The following NDUFA9 variants were observed in gnomAD, a reference collection of about 807,000 sequenced individuals.
NDUFA9 encodes the protein NADH dehydrogenase [ubiquinone] 1 alpha subcomplex subunit 9, mitochondrial.
NDUFA9 carries 23 observed loss-of-function variants against 45.9 expected under a neutral mutation model. The observed-to-expected ratio is 0.50, with a 90% CI of 0.36 to 0.71. NDUFA9 has a LOEUF of 0.71. NDUFA9 is among the 30% of genes least tolerant of loss of function. NDUFA9 has a pLI of 0.00. For missense variants in NDUFA9, 466 were observed against 488.2 expected (o/e 0.95, Z 0.43); for synonymous variants, 176 against 170.5 (o/e 1.03, Z -0.25).
In NDUFA9 at chr12:4,689,703, T is replaced by C. The variant is rs1946008463; in HGVS notation, c.*2595T>C. ...GAAGTCTCCCATGTCTACTTCTTTC[T>C]ACACAGACACAGCAACAATGTGATT... is the stretch of plus-strand genomic sequence containing the variant. On this transcript the variant is annotated 3_prime_UTR_variant, in exon 11 of 11. Coordinates refer to ENST00000266544, the MANE Select transcript of NDUFA9 (RefSeq NM_005002.5). 1.7e-5 allele frequency: 3 copies of C among 179,258 alleles called. No homozygotes were observed. Among genetic ancestry groups the C allele is most frequent in the Non-Finnish European group, 3.4e-5 (3 of 88,152 alleles). 11.1% of individuals were successfully genotyped at this position (179,258 alleles called of 1,614,324 possible).
At chr12:4,656,195 A>T (rs147195132) in intron 3 of NDUFA9, among the ~76,000 whole-genome samples, 15 of 152,354 alleles carry the variant, frequency 9.8e-5, no homozygotes, top group Admixed American at 8.5e-4. Flanking sequence ...CAAGCTAAGT[A>T]TAATACTTGT....
chr12:4,657,884 G>A, intron 4 of NDUFA9, 45 bp downstream of exon 4: 1 of 1,444,050 alleles, frequency 6.9e-7, no homozygotes, highest in Non-Finnish European at 9.7e-7. Flanking sequence ...GTCTTTCTTA[G>A]GGTTTAATGG....
At chr12:4,664,370 C>T (rs1466396191) in intron 6 of NDUFA9, among the ~76,000 whole-genome samples, 1 of 152,236 alleles carries the variant, frequency 6.6e-6, no homozygotes, top group Non-Finnish European at 1.5e-5. Context: ...TGAAAGAAGC[C>T]TGTCTGACTT....
At chr12:4,675,227 A>C (rs1467279523) in intron 8 of NDUFA9, among the ~76,000 whole-genome samples, 1 of 152,258 alleles carries the variant, frequency 6.6e-6, no homozygotes, top group African/African-American at 2.4e-5. Context: ...ATGATCTAAA[A>C]TTGACACTCT....
chr12:4,662,083 A>G (rs1945826405), intron 5 of NDUFA9, among the ~76,000 whole-genome samples: 1 of 152,214 alleles, frequency 6.6e-6, no homozygotes, highest in Non-Finnish European at 1.5e-5. Flanking sequence ...TGGTACAGCA[A>G]TTGAGATTAG....
At chr12:4,660,511 A>G (rs1945817249) in intron 5 of NDUFA9, among the ~76,000 whole-genome samples, 1 of 152,132 alleles carries the variant, frequency 6.6e-6, no homozygotes, top group Admixed American at 6.6e-5. Context: ...TTTGTTGTTA[A>G]TTTAAGTGAT....
chr12:4,686,900 G>C (rs1378768305), intron 10 of NDUFA9, 38 bp from the exon 11 acceptor site: 1 of 1,598,460 alleles, frequency 6.3e-7, no homozygotes. Context: ...TTCTCAGCCA[G>C]TTTTCAGCAT....
rs149885517 is a variant in NDUFA9 at position 4,674,637 on chromosome 12, G to A, written c.800+4820G>A. Among the ~76,000 whole-genome samples the A allele has an allele frequency of 1.4e-4, 21 of 152,300 alleles. No homozygotes were observed. The East Asian group carries it at 4.0e-3, about 29-fold the overall frequency. ...AGAGCTAACTATCCTGAATATATAT[G>A]CTCCCAATACAGGAGCACCCAGATT... On this transcript the variant is annotated intron_variant, in intron 8 of 10. Transcript: ENST00000266544.
chr12:4,687,187 T>C lies in NDUFA9; in HGVS notation c.*79T>C. The C allele has an allele frequency of 7.3e-7, 1 of 1,378,278 alleles. No individual in the cohort carries two copies. The highest frequency in any genetic ancestry group is 1.0e-6 in the Non-Finnish European group (1 of 1,004,644). The allele number at this position is 1,378,278 out of a possible 1,614,324, so 85.4% of individuals were successfully genotyped here. A position where few individuals can be genotyped will look rare whatever the true frequency, so the allele number is the denominator to read the frequency against. ...TGAGCACCCAGCCAGGCGGTCTCTT[T>C]AGAGGATCCTGTACACAGTTCCACT... On this transcript the variant is annotated 3_prime_UTR_variant, in exon 11 of 11. Transcript: ENST00000266544.
intron 5 of NDUFA9, among the ~76,000 whole-genome samples, chr12:4,660,368 G>A (rs1454660569): frequency 6.6e-6 from 1 of 152,194 alleles, no homozygotes; most frequent in African/African-American, 2.4e-5. Context: ...GAAGATGATT[G>A]AGTTTTGGAC....
chr12:4,664,619 C>G (rs184878396), intron 6 of NDUFA9, among the ~76,000 whole-genome samples: 1 of 152,142 alleles, frequency 6.6e-6, no homozygotes, highest in Non-Finnish European at 1.5e-5. Context: ...GCTACAGCCC[C>G]CTGGAACCTT....
At chr12:4,677,238 T>C (rs1945925378) in intron 8 of NDUFA9, among the ~76,000 whole-genome samples, 1 of 152,212 alleles carries the variant, frequency 6.6e-6, no homozygotes, top group African/African-American at 2.4e-5. Flanking sequence ...GACATAGGCA[T>C]GGGCAAAGAC....
chr12:4,654,407 G>A lies in NDUFA9; in HGVS notation c.165G>A (p.Val55=). 6.2e-6 allele frequency: 10 copies of A among 1,614,120 alleles called. No individual in the cohort carries two copies. Among genetic ancestry groups the A allele is most frequent in the Non-Finnish European group, 8.5e-6 (10 of 1,180,014 alleles). Residue 55 remains valine, a synonymous_variant, in exon 2 of 11, where the codon GTG becomes GTA. Transcript: ENST00000266544. The part of the protein sequence containing the change: ...KGGRSSVSGI[V]ATVFGATGFL... ...GACGTTCCTCAGTCAGTGGGATTGT[G>A]GCCACTGTGTTTGGAGCAACAGGAT...
chr12:4,662,770 G>A, intron 6 of NDUFA9, 135 bp downstream of exon 6: 1 of 606,972 alleles, frequency 1.6e-6, no homozygotes, highest in South Asian at 2.1e-5. Flanking sequence ...CCTCCCCTAA[G>A]TTTATATTTT....
In NDUFA9 at chr12:4,687,013, C is replaced by T. The variant is rs199701303; in HGVS notation, c.1039C>T (p.Leu347Phe). ...DLGIQATPLELKAIEVLRRHR... is the reference protein window; with the variant it reads ...DLGIQATPLEFKAIEVLRRHR... ...TGGTATTCAGGCAACACCACTGGAA[C>T]TCAAGGCCATTGAGGTGCTGCGGCG... is the stretch of plus-strand genomic sequence containing the variant. Residue 347 changes from leucine to phenylalanine, a missense_variant, in exon 11 of 11, where the codon CTC becomes TTC. Physicochemically the swap from Leu to Phe is conservative, Grantham distance 22 (BLOSUM62 0). Coordinates refer to ENST00000266544, the MANE Select transcript of NDUFA9 (RefSeq NM_005002.5). The T allele has an allele frequency of 7.4e-6, 12 of 1,614,090 alleles. No individual in the cohort carries two copies. Among genetic ancestry groups the T allele is most frequent in the African/African-American group, 4.0e-5 (3 of 74,936 alleles).
At chr12:4,669,486 C>T (rs962780332) in intron 7 of NDUFA9, among the ~76,000 whole-genome samples, 3 of 152,168 alleles carry the variant, frequency 2.0e-5, no homozygotes, top group South Asian at 2.1e-4. Flanking sequence ...TTGGATTATG[C>T]GTACTTGGAA....
chr12:4,655,043 G>C (rs756639498), intron 3 of NDUFA9, 121 bp downstream of exon 3: 78 of 705,876 alleles, frequency 1.1e-4, no homozygotes, highest in Non-Finnish European at 1.6e-4. Context: ...GGCATCCTCT[G>C]TTCCCAGGTC....
At chr12:4,683,042 C>A (rs1293427768) in intron 9 of NDUFA9, among the ~76,000 whole-genome samples, 2 of 152,024 alleles carry the variant, frequency 1.3e-5, no homozygotes, top group Non-Finnish European at 2.9e-5. Flanking sequence ...CCACTGCACT[C>A]CAGCCTAGGT....
chr12:4,665,050 A>G (rs1271272437), intron 6 of NDUFA9, among the ~76,000 whole-genome samples: 1 of 152,184 alleles, frequency 6.6e-6, no homozygotes, highest in Non-Finnish European at 1.5e-5. Flanking sequence ...AGTCTTACCT[A>G]TATCTGATTT....
Sources: gnomAD v4.1 joint callset for allele counts (sites outside exome capture counted in the v4.1 genomes callset) on GRCh38, gnomAD v4.1.1 for gene constraint, MANE v1.5 for transcripts, NCBI Gene and HGNC (gene_info 2026-07-23, HGNC 2026-07-21) for gene names.